CDH18: variants seen among roughly 807,000 people sequenced by gnomAD.
CDH18 encodes cadherin 18.
Under a neutral mutation model 67.9 loss-of-function variants are expected in CDH18, and 31 were observed. The ratio of observed to expected loss-of-function variants is 0.46; its 90% confidence interval spans 0.34 to 0.62. The LOEUF (loss-of-function observed/expected upper bound fraction) is 0.62. Among genes scored for constraint, CDH18 ranks in the 20% least tolerant of loss-of-function variants. The pLI is 0.01. For missense variants in CDH18, 890 were observed against 975.5 expected (o/e 0.91, Z 1.17); for synonymous variants, 362 against 347.2 (o/e 1.04, Z -0.48).
At chr5:20,509,903 A>G (rs1754921639) in intron 1 of CDH18, among the ~76,000 whole-genome samples, 1 of 152,172 alleles carries the variant, frequency 6.6e-6, no homozygotes, top group Admixed American at 6.5e-5. Flanking sequence ...TTAAATAGAT[A>G]CCCAGTAGTG....
intron 4 of CDH18, among the ~76,000 whole-genome samples, chr5:19,721,869 T>G (rs1253801208): frequency 6.6e-6 from 1 of 152,232 alleles, no homozygotes; most frequent in Non-Finnish European, 1.5e-5. Context: ...ATGACTGTTC[T>G]GAAAACTGGA....
At chr5:19,755,320 G>A (rs950020395) in intron 3 of CDH18, among the ~76,000 whole-genome samples, 5 of 147,864 alleles carry the variant, frequency 3.4e-5, no homozygotes, top group South Asian at 4.3e-4. Context: ...AAATAACCTC[G>A]GTAAGAAATG....
At chr5:20,417,463 C>A (rs1747409854) in intron 1 of CDH18, among the ~76,000 whole-genome samples, 4 of 152,056 alleles carry the variant, frequency 2.6e-5, no homozygotes. Context: ...TAGCACAATT[C>A]TATGATTTCC....
intron 4 of CDH18, among the ~76,000 whole-genome samples, chr5:19,729,359 A>C (rs1422807895): frequency 1.3e-5 from 2 of 152,238 alleles, no homozygotes; most frequent in Admixed American, 1.3e-4. Context: ...GTTGAAGTTC[A>C]AAAAAGTTGT....
At chr5:19,871,483 G>A (rs539514263) in intron 2 of CDH18, among the ~76,000 whole-genome samples, 9 of 152,228 alleles carry the variant, frequency 5.9e-5, no homozygotes, top group East Asian at 1.9e-4. Flanking sequence ...AGCACATAGC[G>A]TTTGAATGCA....
At chr5:19,962,916 T>C (rs1797066327) in intron 2 of CDH18, among the ~76,000 whole-genome samples, 1 of 152,158 alleles carries the variant, frequency 6.6e-6, no homozygotes, top group South Asian at 2.1e-4. Context: ...AAAGACATTA[T>C]TGAGCTTGCT....
At chr5:20,474,990 A>G (rs370531175) in intron 1 of CDH18, among the ~76,000 whole-genome samples, 1 of 152,198 alleles carries the variant, frequency 6.6e-6, no homozygotes, top group Non-Finnish European at 1.5e-5. Flanking sequence ...TTGAATAGCT[A>G]GCAGAAGCCA....
chr5:19,756,305 G>A (rs1281828180), intron 3 of CDH18, among the ~76,000 whole-genome samples: 1 of 152,120 alleles, frequency 6.6e-6, no homozygotes, highest in Admixed American at 6.5e-5. Flanking sequence ...GCAAAAGAAG[G>A]AGGAAATACT....
chr5:20,460,547 G>C (rs1341017387), intron 1 of CDH18, among the ~76,000 whole-genome samples: 1 of 152,056 alleles, frequency 6.6e-6, no homozygotes, highest in East Asian at 1.9e-4. Flanking sequence ...CACCATTCTA[G>C]GCAGATACTG....
At chr5:19,604,647 C>G (rs1580448631) in intron 6 of CDH18, among the ~76,000 whole-genome samples, 1 of 151,790 alleles carries the variant, frequency 6.6e-6, no homozygotes. Flanking sequence ...TTGTGGTTGG[C>G]TCTACGTGCA....
intron 5 of CDH18, among the ~76,000 whole-genome samples, chr5:19,650,869 C>A (rs1755475294): frequency 6.6e-6 from 1 of 151,986 alleles, no homozygotes; most frequent in Admixed American, 6.6e-5. Flanking sequence ...GCATTAAATT[C>A]TCATTTCAAG....
intron 1 of CDH18, among the ~76,000 whole-genome samples, chr5:20,486,777 C>T (rs1346402530): frequency 1.3e-5 from 2 of 151,178 alleles, no homozygotes; most frequent in Non-Finnish European, 2.9e-5. Context: ...ATGAATGGTA[C>T]TGTATGTTAT....
intron 1 of CDH18, among the ~76,000 whole-genome samples, chr5:20,326,700 G>A (rs1422507173): frequency 8.6e-5 from 13 of 151,816 alleles, no homozygotes; most frequent in African/African-American, 2.2e-4. Flanking sequence ...CACCACACCC[G>A]GCTAATTTTT....
chr5:20,343,918 C>CCAAAAGAGGATGGGTAAAAAAA (rs1740487030), intron 1 of CDH18, among the ~76,000 whole-genome samples: 1 of 152,052 alleles, frequency 6.6e-6, no homozygotes, highest in Non-Finnish European at 1.5e-5. Context: ...GGTAAAATAA[C>CCAAAAGAGGATGGGTAAAAAAA]CAAAAGAAAC....
chr5:19,588,399 A>C (rs1011476192), intron 7 of CDH18, among the ~76,000 whole-genome samples: 1 of 152,066 alleles, frequency 6.6e-6, no homozygotes, highest in African/African-American at 2.4e-5. Context: ...AGAGCTTCTG[A>C]AGGAAGTATT....
At chr5:20,193,333 T>C (rs143740695) in intron 2 of CDH18, among the ~76,000 whole-genome samples, 5,227 of 152,060 alleles carry the variant, frequency 0.034, 306 homozygotes, top group African/African-American at 0.12. Flanking sequence ...CTAGAAAATC[T>C]AGAAGAAATG....
At chr5:20,497,914 G>A (rs527455654) in intron 1 of CDH18, among the ~76,000 whole-genome samples, 1 of 152,178 alleles carries the variant, frequency 6.6e-6, no homozygotes, top group Admixed American at 6.6e-5. Flanking sequence ...TAGATCATGA[G>A]GATGGAGTCC....
intron 8 of CDH18, among the ~76,000 whole-genome samples, chr5:19,564,637 T>C (rs1018934362): frequency 2.4e-4 from 36 of 151,976 alleles, no homozygotes; most frequent in African/African-American, 8.7e-4. Flanking sequence ...TTAACAGATA[T>C]GGTGGCTATG....
Position 19,986,705 on chromosome 5 carries a change from C to A in CDH18, c.-376+1381G>T, listed in dbSNP as rs191954217. On this transcript the variant is annotated intron_variant, in intron 1 of 12. Transcript: ENST00000382275. ...ACTGCAATCATAATAGGTGATAGCACCAGAGTGTTACACAATGGAACTCAT... is the reference window on the plus strand; with the variant it reads ...ACTGCAATCATAATAGGTGATAGCAACAGAGTGTTACACAATGGAACTCAT... 5.3e-5 allele frequency among the ~76,000 whole-genome samples: 8 copies of A among 152,236 alleles called. No homozygotes were observed. The East Asian group carries it at 1.2e-3, about 22-fold the overall frequency.
Sources: gnomAD v4.1 joint callset for allele counts (sites outside exome capture counted in the v4.1 genomes callset) on GRCh38, gnomAD v4.1.1 for gene constraint, MANE v1.5 for transcripts, NCBI Gene and HGNC (gene_info 2026-07-23, HGNC 2026-07-21) for gene names.